HAPLN1: variants seen among roughly 807,000 people sequenced by gnomAD.
The protein encoded by HAPLN1 is hyaluronan and proteoglycan link protein 1.
A neutral mutation model predicts 36.5 loss-of-function variants in HAPLN1; 13 were observed. That is an observed-to-expected ratio of 0.36 (90% CI 0.23 to 0.57). The LOEUF is 0.57. HAPLN1 is among the 20% of genes least tolerant of loss of function. The pLI is 0.83. For synonymous variants in HAPLN1, 202 were observed against 169.8 expected (o/e 1.19, Z -1.48); for missense variants, 407 against 439.7 (o/e 0.93, Z 0.66).
chr5:83,690,838 A>G lies in HAPLN1; in HGVS notation c.-26-17289T>C, dbSNP rs143302722. ...CTAGTCCTTTAATACTATCCTGAGT[A>G]TTTTATTAAAATAAGTCGCATATTT... On this transcript the variant is annotated intron_variant, in intron 1 of 4. Coordinates refer to ENST00000274341, the MANE Select transcript of HAPLN1 (RefSeq NM_001884.4). Among the ~76,000 whole-genome samples, 8 of 152,180 alleles carry G rather than the reference A, an allele frequency of 5.3e-5. No individual in the cohort carries two copies. In the East Asian group the frequency reaches 1.5e-3, roughly 29 times the overall value.
chr5:83,687,364 A>G (rs944303121), intron 1 of HAPLN1, among the ~76,000 whole-genome samples: 4 of 152,260 alleles, frequency 2.6e-5, no homozygotes, highest in African/African-American at 9.6e-5. Context: ...TTTTCAAAAT[A>G]AGCCTCTCAG....
chr5:83,666,698 A>C (rs1750561552), intron 2 of HAPLN1, among the ~76,000 whole-genome samples: 1 of 152,170 alleles, frequency 6.6e-6, no homozygotes, highest in African/African-American at 2.4e-5. Flanking sequence ...CTAAATAATA[A>C]GCTCTTTTAG....
chr5:83,697,770 G>T (rs765665913), intron 1 of HAPLN1, among the ~76,000 whole-genome samples: 6 of 152,032 alleles, frequency 3.9e-5, no homozygotes, highest in Non-Finnish European at 8.8e-5. Context: ...GGTATAACTC[G>T]TATTTTCCTA....
intron 3 of HAPLN1, among the ~76,000 whole-genome samples, chr5:83,648,794 G>A (rs1056969368): frequency 4.6e-5 from 7 of 151,970 alleles, no homozygotes; most frequent in Admixed American, 4.6e-4. Flanking sequence ...TAATGAAAAA[G>A]GTTAAAAATG....
intron 3 of HAPLN1, among the ~76,000 whole-genome samples, chr5:83,645,482 T>TCTTTTTTTC (rs1241526103): frequency 7.2e-6 from 1 of 138,958 alleles, no homozygotes; most frequent in African/African-American, 2.7e-5. Context: ...TTTCTTTTTT[T>TCTTTTTTTC]TTTTTTTTTA....
chr5:83,700,254 T>C (rs1751477851), intron 1 of HAPLN1, among the ~76,000 whole-genome samples: 1 of 151,196 alleles, frequency 6.6e-6, no homozygotes, highest in Admixed American at 6.6e-5. Flanking sequence ...TACATGTATC[T>C]ACTCTGATAC....
chr5:83,675,598 G>C (rs336960), intron 1 of HAPLN1, among the ~76,000 whole-genome samples: 14 of 151,960 alleles, frequency 9.2e-5, no homozygotes, highest in African/African-American at 3.1e-4. Context: ...ATCTCCTTTA[G>C]TTCCATACCA....
chr5:83,718,231 G>T (rs575062818), intron 1 of HAPLN1, among the ~76,000 whole-genome samples: 2 of 152,320 alleles, frequency 1.3e-5, no homozygotes, highest in Non-Finnish European at 2.9e-5. Context: ...AAACTGTTTA[G>T]TTGTACCTTA....
intron 1 of HAPLN1, among the ~76,000 whole-genome samples, chr5:83,710,202 A>AATAT: frequency 6.6e-6 from 1 of 152,192 alleles, no homozygotes; most frequent in South Asian, 2.1e-4. Context: ...GCACAGGGAG[A>AATAT]ATATGTAGGG....
At chr5:83,704,706 T>C (rs993644216) in intron 1 of HAPLN1, among the ~76,000 whole-genome samples, 5 of 152,208 alleles carry the variant, frequency 3.3e-5, no homozygotes, top group Non-Finnish European at 7.3e-5. Context: ...AAGATCTGAC[T>C]ATCCTAAATT....
chr5:83,654,054 G>T (rs1297247326), intron 2 of HAPLN1, among the ~76,000 whole-genome samples: 1 of 152,210 alleles, frequency 6.6e-6, no homozygotes, highest in African/African-American at 2.4e-5. Context: ...CCAAATCACT[G>T]GGAAGAGTAG....
In HAPLN1 at chr5:83,652,815, C is replaced by T. The variant is rs982110777; in HGVS notation, c.110G>A (p.Gly37Asp). 3.2e-6 allele frequency: 5 copies of T among 1,566,354 alleles called. No individual in the cohort carries two copies. The highest frequency in any genetic ancestry group is 4.3e-6 in the Non-Finnish European group (5 of 1,156,712). ...DRAIHIQAEN[G>D]PHLLVEAEQA... ...CTCTGCTTCCACAAGTAGATGGGGGCCATTTTCTGCTATAATTAAAAAGGA... is the reference window on the plus strand; with the variant it reads ...CTCTGCTTCCACAAGTAGATGGGGGTCATTTTCTGCTATAATTAAAAAGGA... Residue 37 changes from glycine to aspartate, a missense_variant, in exon 3 of 5, where the codon GGC (glycine) becomes GAC (aspartate). Transcript: ENST00000274341.
Position 83,688,560 on chromosome 5 carries a change from A to AATGG in HAPLN1, c.-26-15015_-26-15012dup, listed in dbSNP as rs1315185566. On this transcript the variant is annotated intron_variant, in intron 1 of 4. Coordinates refer to ENST00000274341, the MANE Select transcript of HAPLN1 (RefSeq NM_001884.4). ...AATAATTAAATGCACATGAAAAGCA[A>AATGG]ATGGATGTTGACCTCTTTTGTGGGC... Among the ~76,000 whole-genome samples, 3 of 152,220 alleles carry AATGG rather than the reference A, an allele frequency of 2.0e-5. No individual in the cohort carries two copies. The East Asian group carries it at 5.8e-4, about 29-fold the overall frequency.
At chr5:83,665,455 A>G (rs1414088488) in intron 2 of HAPLN1, among the ~76,000 whole-genome samples, 1 of 152,234 alleles carries the variant, frequency 6.6e-6, no homozygotes, top group African/African-American at 2.4e-5. Flanking sequence ...AAGCTAAAGC[A>G]GGGAGGGAAG....
chr5:83,697,163 GATTCAATGAAT>G (rs1464288990), intron 1 of HAPLN1, among the ~76,000 whole-genome samples: 1 of 151,966 alleles, frequency 6.6e-6, no homozygotes, highest in Non-Finnish European at 1.5e-5. Flanking sequence ...TGAATTTAAT[GATTCAATGAAT>G]ATTCAATGAA....
chr5:83,649,659 G>C (rs1193057183), intron 3 of HAPLN1, among the ~76,000 whole-genome samples: 2 of 152,082 alleles, frequency 1.3e-5, no homozygotes, highest in Non-Finnish European at 2.9e-5. Context: ...ATGTTGACCA[G>C]GCTGGTCGCA....
intron 2 of HAPLN1, among the ~76,000 whole-genome samples, chr5:83,662,802 A>G (rs336949): frequency 0.54 from 82,499 of 151,992 alleles, 23,197 homozygotes; most frequent in African/African-American, 0.68. Context: ...ACTTTGTGGT[A>G]AAGTGTGAGG....
chr5:83,645,698 A>G (rs1257852941), intron 3 of HAPLN1, among the ~76,000 whole-genome samples: 4 of 151,976 alleles, frequency 2.6e-5, no homozygotes, highest in Non-Finnish European at 5.9e-5. Flanking sequence ...AGAAAGCATC[A>G]TGGTACTCTT....
chr5:83,686,169 T>C (rs570739503), intron 1 of HAPLN1, among the ~76,000 whole-genome samples: 2 of 93,276 alleles, frequency 2.1e-5, no homozygotes, highest in Non-Finnish European at 4.5e-5. Flanking sequence ...AAAAAAGAAA[T>C]GTCAAGACTT....
Sources: allele counts gnomAD v4.1 joint callset (sites outside exome capture counted in the v4.1 genomes callset), GRCh38; gene constraint gnomAD v4.1.1; transcripts MANE v1.5; gene names NCBI Gene and HGNC (gene_info 2026-07-23, HGNC 2026-07-21).